The following FRMPD3 variants were observed in gnomAD, a reference collection of about 807,000 sequenced individuals.
FRMPD3 encodes the protein FERM and PDZ domain-containing protein 3.
In FRMPD3, 42 loss-of-function variants were observed where a neutral mutation model predicts 97.9. The observed-to-expected ratio is 0.43, with a 90% CI of 0.34 to 0.55. FRMPD3 has a LOEUF of 0.55. FRMPD3 is among the 20% of genes least tolerant of loss of function. FRMPD3 has a pLI of 0.03. For synonymous variants in FRMPD3, 577 were observed against 581.1 expected, an observed-to-expected ratio of 0.99 and a Z score of 0.10; for missense variants, 1,303 against 1,457.7, an observed-to-expected ratio of 0.89 and a Z score of 1.73.
intron 13 of FRMPD3, among the ~76,000 whole-genome samples, chrX:107,577,481 C>CAA (rs372014103): frequency 9.0e-5 from 3 of 33,267 alleles, no homozygotes; most frequent in Admixed American, 3.6e-4. Context: ...GAGACTGTCT[C>CAA]AAAAAAAAAA....
intron 8 of FRMPD3, among the ~76,000 whole-genome samples, chrX:107,558,832 C>T (rs1285097865): frequency 2.7e-5 from 3 of 109,758 alleles, no homozygotes; most frequent in African/African-American, 1.0e-4. Flanking sequence ...TATAGACATG[C>T]ACCACCACGC....
At chrX:107,526,875 C>A in intron 2 of FRMPD3, 139 bp downstream of exon 2, 2 of 630,250 alleles carry the variant, frequency 3.2e-6, no homozygotes, top group Non-Finnish European at 4.6e-6. Flanking sequence ...ACTTGCCAAC[C>A]AATAACTGTG....
intron 2 of FRMPD3, among the ~76,000 whole-genome samples, chrX:107,529,617 G>A (rs1024486030): frequency 9.0e-6 from 1 of 110,772 alleles, no homozygotes; most frequent in Non-Finnish European, 1.9e-5. Flanking sequence ...AAAGAAATGG[G>A]AGGGAGAAAA....
At chrX:107,510,490 A>G (rs1401923830) in intron 1 of FRMPD3, among the ~76,000 whole-genome samples, 1 of 111,903 alleles carries the variant, frequency 8.9e-6, no homozygotes, top group Non-Finnish European at 1.9e-5. Context: ...ACTCACCTTC[A>G]GGAAACAGAC....
intron 4 of FRMPD3, among the ~76,000 whole-genome samples, chrX:107,533,756 G>A (rs1923092917): frequency 8.9e-6 from 1 of 112,162 alleles, no homozygotes; most frequent in Non-Finnish European, 1.9e-5. Context: ...GGGCTGTGCT[G>A]TGCTGTGTTC....
intron 1 of FRMPD3, among the ~76,000 whole-genome samples, chrX:107,450,597 CACACAG>C (rs1174038951): frequency 6.6e-4 from 69 of 104,810 alleles, no homozygotes; most frequent in Non-Finnish European, 1.1e-3. Context: ...CACACACACA[CACACAG>C]AGAGAGAGAG....
Position 107,560,872 on chromosome X carries a change from T to C in FRMPD3, c.1026+19T>C. 8.5e-7 allele frequency: 1 copy of C among 1,180,625 alleles called. No homozygotes were observed. Among genetic ancestry groups the C allele is most frequent in the Non-Finnish European group, 1.1e-6 (1 of 879,991 alleles). On this transcript the variant is annotated intron_variant, in intron 10 of 14. Transcript: ENST00000683843. ...CACCAAGGTATCCAGAGTAGACCACTGGGCATGGTGCTCCAGGCACTACTG... is the reference window on the plus strand; with the variant it reads ...CACCAAGGTATCCAGAGTAGACCACCGGGCATGGTGCTCCAGGCACTACTG...
intron 13 of FRMPD3, among the ~76,000 whole-genome samples, chrX:107,594,724 AT>A (rs1318422579): frequency 1.2e-4 from 13 of 111,058 alleles, no homozygotes; most frequent in African/African-American, 4.3e-4. Context: ...TCTACTAAAC[AT>A]ACAAAATTAA....
chrX:107,526,653 T>C lies in FRMPD3; in HGVS notation c.65T>C (p.Val22Ala), dbSNP rs1488428572. The change falls in exon 2 of 15, where the codon GTG (valine) becomes GCG (alanine). Residue 22 changes from valine to alanine, a missense_variant. Physicochemically the swap from Val to Ala is moderately conservative, Grantham distance 64. This residue lies in a region of FRMPD3 where 535 missense variants were observed against 618.6 expected (regional missense o/e 0.86). Coordinates refer to ENST00000683843, the MANE Select transcript of FRMPD3 (RefSeq NM_001388459.1). Reference sequence around the variant, plus strand: ...CTGCCAGCAGAGATACTGCGACAAGTGACCGTTCACCGAGACCCTATATAT... The same window carrying C: ...CTGCCAGCAGAGATACTGCGACAAGCGACCGTTCACCGAGACCCTATATAT... ...EQLPAEILRQVTVHRDPIYGF... is the reference protein window; with the variant it reads ...EQLPAEILRQATVHRDPIYGF... 1 of 1,208,468 alleles carries C rather than the reference T, an allele frequency of 8.3e-7. No homozygotes were observed. Among genetic ancestry groups the C allele is most frequent in the South Asian group, 1.8e-5 (1 of 56,695 alleles).
intron 1 of FRMPD3, among the ~76,000 whole-genome samples, chrX:107,515,126 A>G (rs1922274803): frequency 9.0e-6 from 1 of 111,552 alleles, no homozygotes; most frequent in Non-Finnish European, 1.9e-5. Context: ...GTGTGGTTAG[A>G]ATGCAAATTT....
At chrX:107,476,170 C>G (rs1921197250) in intron 1 of FRMPD3, among the ~76,000 whole-genome samples, 1 of 112,367 alleles carries the variant, frequency 8.9e-6, no homozygotes, top group African/African-American at 3.2e-5. Context: ...CAGGCGTGAG[C>G]CACCACGCCC....
At chrX:107,579,795 G>T (rs747184408) in intron 13 of FRMPD3, among the ~76,000 whole-genome samples, 3 of 111,390 alleles carry the variant, frequency 2.7e-5, no homozygotes, top group South Asian at 7.7e-4. Context: ...GGCTTTGAGG[G>T]CCTCAGTTGG....
intron 1 of FRMPD3, among the ~76,000 whole-genome samples, chrX:107,507,230 A>G (rs1350302819): frequency 9.0e-6 from 1 of 110,800 alleles, no homozygotes; most frequent in African/African-American, 3.3e-5. Flanking sequence ...CGAGATCCCA[A>G]GGATTCGTTT....
chrX:107,602,075 C>T lies in FRMPD3; in HGVS notation c.4036C>T (p.Pro1346Ser), dbSNP rs878931584. Residue 1346 changes from proline (P) to serine (S), a missense_variant, in exon 15 of 15, where the codon CCC becomes TCC. Around this residue, in one of 3 missense-constraint regions of FRMPD3, gnomAD observed 764 missense variants for 820.2 expected, o/e 0.93. Transcript: ENST00000683843. ...TGGCCCAGGCGTGAGCCTCAGCAGC[C>T]CCATCAATGTCCAGCGCATTCGTTC... Reference protein sequence around the residue: ...EAGPGVSLSSPINVQRIRSTS... With the variant: ...EAGPGVSLSSSINVQRIRSTS... 1.7e-6 allele frequency: 2 copies of T among 1,202,672 alleles called. No homozygotes were observed. Among genetic ancestry groups the T allele is most frequent in the South Asian group, 3.6e-5 (2 of 55,199 alleles).
chrX:107,494,608 T>G (rs913403183), intron 1 of FRMPD3, among the ~76,000 whole-genome samples: 1 of 111,495 alleles, frequency 9.0e-6, no homozygotes, highest in African/African-American at 3.3e-5. Flanking sequence ...AGATGAGTAA[T>G]AGCTATAATT....
chrX:107,461,589 G>A (rs1931472476), intron 1 of FRMPD3, among the ~76,000 whole-genome samples: 1 of 110,403 alleles, frequency 9.1e-6, no homozygotes, highest in Admixed American at 9.7e-5. Flanking sequence ...CTCCCCATCA[G>A]CGCCAAGTGA....
At chrX:107,554,085 A>G (rs912179109) in intron 7 of FRMPD3, among the ~76,000 whole-genome samples, 4 of 111,780 alleles carry the variant, frequency 3.6e-5, no homozygotes, top group African/African-American at 1.3e-4. Flanking sequence ...AGCCATTGCC[A>G]GGAGCCCTCC....
At chrX:107,497,040 C>A (rs1165022274) in intron 1 of FRMPD3, among the ~76,000 whole-genome samples, 5 of 112,069 alleles carry the variant, frequency 4.5e-5, no homozygotes, top group Admixed American at 1.9e-4. Flanking sequence ...CCCCCTGAGG[C>A]TACACATTAT....
intron 2 of FRMPD3, among the ~76,000 whole-genome samples, chrX:107,528,397 C>T (rs1261639868): frequency 9.0e-6 from 1 of 111,375 alleles, no homozygotes. Context: ...GGTTGAGTTC[C>T]ATGAGGACCT....
Sources: gnomAD v4.1 joint callset for allele counts (sites outside exome capture counted in the v4.1 genomes callset) on GRCh38, gnomAD v4.1.1 for gene constraint, gnomAD v4.1.1 regional missense constraint, MANE v1.5 for transcripts, NCBI Gene and HGNC (gene_info 2026-07-23, HGNC 2026-07-21) for gene names.